PLXNC1: variants seen among roughly 807,000 people sequenced by gnomAD.
PLXNC1 encodes the protein plexin-C1.
PLXNC1 carries 75 observed loss-of-function variants against 178.2 expected under a neutral mutation model. That is an observed-to-expected ratio of 0.42 (90% CI 0.35 to 0.51). The LOEUF (loss-of-function observed/expected upper bound fraction) is 0.51, where lower values mean the gene tolerates loss of function less well. Among genes scored for constraint, PLXNC1 ranks in the 20% least tolerant of loss-of-function variants. PLXNC1 has a pLI of 0.02. For synonymous variants in PLXNC1, 790 were observed against 779.9 expected (o/e 1.01, Z -0.22); for missense variants, 1,503 against 1,984.4 (o/e 0.76, Z 4.61).
At chr12:94,182,129 A>T (rs1237346035) in intron 3 of PLXNC1, among the ~76,000 whole-genome samples, 2 of 152,134 alleles carry the variant, frequency 1.3e-5, no homozygotes, top group Admixed American at 1.3e-4. Flanking sequence ...TCACCAAGGG[A>T]AGGGGAAAAG....
Position 94,240,485 on chromosome 12 carries a change from G to T in PLXNC1, c.2121G>T (p.Val707=). Residue 707 remains valine (V), a splice_region_variant and synonymous_variant, in exon 11 of 31, where the codon GTG becomes GTT. Transcript: ENST00000258526. The part of the protein sequence containing the change: ...LKGTSTCDKD[V]IQVSHVLNDT... ...GAGTTCTTTTTCTACTCTTTTCTAG[G>T]ATACAGGTTAGCCATGTGCTAAATG... 1 of 1,611,986 alleles carries T rather than the reference G, an allele frequency of 6.2e-7. No individual in the cohort carries two copies. The highest frequency in any genetic ancestry group is 8.5e-7 in the Non-Finnish European group (1 of 1,178,692).
At chr12:94,220,695 TA>T (rs1440364437) in intron 6 of PLXNC1, among the ~76,000 whole-genome samples, 1 of 152,160 alleles carries the variant, frequency 6.6e-6, no homozygotes, top group Non-Finnish European at 1.5e-5. Flanking sequence ...ATGCAGTGTG[TA>T]AATACAGGGA....
chr12:94,207,479 C>A (rs765833015), intron 4 of PLXNC1, among the ~76,000 whole-genome samples: 1 of 152,042 alleles, frequency 6.6e-6, no homozygotes, highest in Non-Finnish European at 1.5e-5. Flanking sequence ...AAAGAAAAAT[C>A]AGCAACAGAA....
intron 4 of PLXNC1, among the ~76,000 whole-genome samples, chr12:94,203,541 A>T (rs145521310): frequency 1.1e-3 from 163 of 152,336 alleles, no homozygotes; most frequent in Non-Finnish European, 1.8e-3. Flanking sequence ...ACTTGCTATT[A>T]TGCTGGCATT....
chr12:94,233,094 G>T (rs571205863), intron 9 of PLXNC1, among the ~76,000 whole-genome samples: 1 of 152,176 alleles, frequency 6.6e-6, no homozygotes, highest in East Asian at 1.9e-4. Context: ...GTGGGAGCAA[G>T]ACCTCCAACC....
At chr12:94,184,097 G>A (rs1962421598) in intron 3 of PLXNC1, among the ~76,000 whole-genome samples, 2 of 149,490 alleles carry the variant, frequency 1.3e-5, no homozygotes, top group African/African-American at 4.9e-5. Context: ...GTCTAATGTA[G>A]TATTTTTAGT....
In PLXNC1 at chr12:94,209,580, GT is replaced by G; in HGVS notation, c.1440-3del. 4 of 1,562,156 alleles carry G rather than the reference GT, an allele frequency of 2.6e-6. No individual in the cohort carries two copies. The highest frequency in any genetic ancestry group is 3.5e-6 in the Non-Finnish European group (4 of 1,133,688). ...TATGGGGTCGCTGTTTTGTTGCCTC[GT>G]TTTTTTAGGTGCACTTTTCAAGGAG... On this transcript the variant is annotated splice_polypyrimidine_tract_variant and intron_variant, in intron 4 of 30. Coordinates refer to ENST00000258526, the MANE Select transcript of PLXNC1 (RefSeq NM_005761.3).
intron 12 of PLXNC1, among the ~76,000 whole-genome samples, chr12:94,247,043 T>G (rs1230007935): frequency 6.7e-5 from 10 of 150,176 alleles, no homozygotes; most frequent in Non-Finnish European, 2.9e-5. Flanking sequence ...GACAATATAT[T>G]TATGTTATGT....
intron 10 of PLXNC1, 141 bp from the exon 11 acceptor site, chr12:94,240,344 A>C: frequency 1.6e-6 from 1 of 619,878 alleles, no homozygotes; most frequent in South Asian, 2.2e-5. Context: ...CTGGCCCCTC[A>C]TGAGTCAGTA....
At chr12:94,182,762 T>C (rs913991912) in intron 3 of PLXNC1, among the ~76,000 whole-genome samples, 1 of 151,810 alleles carries the variant, frequency 6.6e-6, no homozygotes. Flanking sequence ...GAAAAAGAAA[T>C]GTGTTATTAA....
Position 94,224,359 on chromosome 12 carries a change from A to G in PLXNC1, c.1790+44A>G, listed in dbSNP as rs537377424. 8.3e-5 allele frequency: 88 copies of G among 1,057,944 alleles called. No individual in the cohort carries two copies. In the South Asian group the frequency reaches 1.1e-3, roughly 13 times the overall value. 65.5% of individuals were successfully genotyped at this position (1,057,944 alleles called of 1,614,324 possible). ...TTTGAATATTCTCTCGTTGATCTTAATTTACTTATTTGTTTGACTCCTCGA... is the reference window on the plus strand; with the variant it reads ...TTTGAATATTCTCTCGTTGATCTTAGTTTACTTATTTGTTTGACTCCTCGA... On this transcript the variant is annotated intron_variant, in intron 7 of 30. Transcript: ENST00000258526.
intron 17 of PLXNC1, among the ~76,000 whole-genome samples, chr12:94,258,021 C>G (rs930607598): frequency 6.9e-6 from 1 of 145,802 alleles, no homozygotes; most frequent in Non-Finnish European, 1.5e-5. Flanking sequence ...GAGATTCCGT[C>G]TCAAAAAAAA....
At chr12:94,301,332 A>C (rs1968443821) in intron 28 of PLXNC1, among the ~76,000 whole-genome samples, 2 of 152,226 alleles carry the variant, frequency 1.3e-5, no homozygotes, top group African/African-American at 4.8e-5. Context: ...TTTCCTAGAA[A>C]AATATTCTAT....
chr12:94,201,924 G>A (rs1963139832), intron 4 of PLXNC1, among the ~76,000 whole-genome samples: 2 of 151,628 alleles, frequency 1.3e-5, no homozygotes, highest in East Asian at 1.9e-4. Context: ...GCACCACCTC[G>A]CCCAGCTAAT....
intron 1 of PLXNC1, among the ~76,000 whole-genome samples, chr12:94,158,617 C>T (rs2135925852): frequency 6.6e-6 from 1 of 152,262 alleles, no homozygotes; most frequent in South Asian, 2.1e-4. Context: ...GGCAACGTAG[C>T]AAGACCCCAT....
Position 94,150,004 on chromosome 12 carries a change from T to C in PLXNC1, c.1033T>C (p.Trp345Arg). The C allele has an allele frequency of 6.3e-7, 1 of 1,596,932 alleles. No individual in the cohort carries two copies. The highest frequency in any genetic ancestry group is 1.7e-4 in the Middle Eastern group (1 of 5,986). ...CCAGGCGCGCGCCAAGAGGGTCAGCTGGGACTTCAAGACGGCCGAGAGCCA... is the reference window on the plus strand; with the variant it reads ...CCAGGCGCGCGCCAAGAGGGTCAGCCGGGACTTCAAGACGGCCGAGAGCCA... The part of the protein sequence containing the change: ...EIQARAKRVS[W>R]DFKTAESHCK... The change falls in exon 1 of 31, where the codon TGG (tryptophan) becomes CGG (arginine). Residue 345 changes from tryptophan (W) to arginine (R), a missense_variant. This residue lies in a region of PLXNC1 where 615 missense variants were observed against 698.6 expected (regional missense o/e 0.88). Transcript: ENST00000258526.
At chr12:94,217,777 T>G (rs778040399) in intron 5 of PLXNC1, among the ~76,000 whole-genome samples, 4 of 152,240 alleles carry the variant, frequency 2.6e-5, no homozygotes, top group Admixed American at 1.3e-4. Context: ...CCATGTGACC[T>G]TCCAGTTTTA....
chr12:94,182,560 C>T (rs1429401632), intron 3 of PLXNC1, among the ~76,000 whole-genome samples: 3 of 150,534 alleles, frequency 2.0e-5, no homozygotes, highest in African/African-American at 7.3e-5. Context: ...CCCATCTCCA[C>T]TAAAAATACA....
In PLXNC1 at chr12:94,307,091, C is replaced by A. The variant is rs191581270; in HGVS notation, c.*1806C>A. 6.6e-6 allele frequency: 1 copy of A among 152,318 alleles called. No homozygotes were observed. Among genetic ancestry groups the A allele is most frequent in the East Asian group, 1.9e-4 (1 of 5,190 alleles). 9.4% of individuals were successfully genotyped at this position (152,318 alleles called of 1,614,324 possible). The stretch of plus-strand genomic sequence containing the variant: ...TGAAAACTCAAAGGATCAGCTACAG[C>A]TTTATCTAAGTATTTACTAAATGCT... On this transcript the variant is annotated 3_prime_UTR_variant, in exon 31 of 31. Transcript: ENST00000258526.
Sources: allele counts gnomAD v4.1 joint callset (sites outside exome capture counted in the v4.1 genomes callset), GRCh38; gene constraint gnomAD v4.1.1; regional missense constraint gnomAD v4.1.1; transcripts MANE v1.5; gene names NCBI Gene and HGNC (gene_info 2026-07-23, HGNC 2026-07-21).